TUBB6: variants seen among roughly 807,000 people sequenced by gnomAD.
The protein encoded by TUBB6 is tubulin beta 6 class V.
In TUBB6, 18 loss-of-function variants were observed where a neutral mutation model predicts 32.3. The observed-to-expected ratio is 0.56, with a 90% CI of 0.39 to 0.83. The LOEUF (loss-of-function observed/expected upper bound fraction) is 0.83. Ranked by LOEUF, TUBB6 falls within the 40% of genes least tolerant of loss-of-function variation. The pLI, the probability that TUBB6 is intolerant of heterozygous loss-of-function variation, is 0.00. For synonymous variants in TUBB6, 280 were observed against 265.8 expected, an observed-to-expected ratio of 1.05 and a Z score of -0.52; for missense variants, 480 against 632.0, an observed-to-expected ratio of 0.76 and a Z score of 2.58.
At chr18:12,328,969 CATTTT>C (rs1408004618), downstream of TUBB6, 3 of 573,316 alleles carry the variant, frequency 5.2e-6, no homozygotes, top group Middle Eastern at 4.6e-4. Context: ...ACAGTGTTGA[CATTTT>C]ATTTTTTATG....
chr18:12,319,743 CAA>C (rs930947923), intron 3 of TUBB6, among the ~76,000 whole-genome samples: 9 of 152,072 alleles, frequency 5.9e-5, no homozygotes, highest in Non-Finnish European at 7.4e-5. Flanking sequence ...CACTTGAGTT[CAA>C]AAGTTTAAGA....
intron 2 of TUBB6, among the ~76,000 whole-genome samples, chr18:12,310,465 T>G (rs1906310039): frequency 7.1e-6 from 1 of 140,384 alleles, no homozygotes; most frequent in Admixed American, 7.6e-5. Flanking sequence ...CATTCCAGCC[T>G]GGGCAACAGA....
At chr18:12,310,913 ACT>A (rs759239097) in intron 2 of TUBB6, 28 bp from the exon 3 acceptor site, 53 of 1,508,974 alleles carry the variant, frequency 3.5e-5, no homozygotes, top group Non-Finnish European at 4.6e-5. Context: ...CCTGAAAGTA[ACT>A]CTTGTGGGTG....
intron 3 of TUBB6, among the ~76,000 whole-genome samples, chr18:12,322,276 C>G (rs548845569): frequency 6.6e-6 from 1 of 151,170 alleles, no homozygotes; most frequent in East Asian, 1.9e-4. Context: ...TTAGCCTGGG[C>G]AACAGAGTGA....
downstream of TUBB6, chr18:12,329,066 A>C (rs964683115): frequency 1.0e-5 from 7 of 695,744 alleles, no homozygotes; most frequent in Non-Finnish European, 1.8e-5. Flanking sequence ...TTAAGACAGC[A>C]ACAAGTGATC....
intron 3 of TUBB6, among the ~76,000 whole-genome samples, chr18:12,318,468 C>G (rs1416611696): frequency 6.6e-6 from 1 of 150,988 alleles, no homozygotes; most frequent in Non-Finnish European, 1.5e-5. Flanking sequence ...CCTGAGAGTA[C>G]TAAAGTGGCC....
chr18:12,310,974 G>A lies in TUBB6; in HGVS notation c.198G>A (p.Val66=). The A allele has an allele frequency of 6.2e-7, 1 of 1,613,538 alleles. No homozygotes were observed. The highest frequency in any genetic ancestry group is 1.1e-5 in the South Asian group (1 of 91,002). ...SQKYVPRAAL[V]DLEPGTMDSV... ...AATATGTGCCCAGGGCCGCCCTGGT[G>A]GACTTAGAGCCAGGCACCATGGACA... Residue 66 remains valine, a synonymous_variant, in exon 3 of 4, where the codon GTG becomes GTA. Transcript: ENST00000317702.
chr18:12,308,663 T>C, intron 1 of TUBB6, 24 bp from the exon 2 acceptor site: 1 of 1,513,000 alleles, frequency 6.6e-7, no homozygotes, highest in Admixed American at 1.7e-5. Context: ...TGAGCGTCTG[T>C]CCCCCCGCCT....
chr18:12,319,761 A>G (rs992131077), intron 3 of TUBB6, among the ~76,000 whole-genome samples: 1 of 152,042 alleles, frequency 6.6e-6, no homozygotes, highest in Admixed American at 6.5e-5. Flanking sequence ...TAAGACCAAC[A>G]TGGACAACAT....
chr18:12,320,923 T>C (rs1906954819), intron 3 of TUBB6, among the ~76,000 whole-genome samples: 1 of 152,254 alleles, frequency 6.6e-6, no homozygotes, highest in South Asian at 2.1e-4. Context: ...CTGCCCTTGC[T>C]ATCTCCAGTA....
intron 3 of TUBB6, among the ~76,000 whole-genome samples, chr18:12,317,153 CAAAA>C (rs773323455): frequency 1.2e-4 from 8 of 66,356 alleles, no homozygotes; most frequent in Admixed American, 1.8e-4. Context: ...GAGACCCTGT[CAAAA>C]AAAAAAAAAA....
intron 3 of TUBB6, among the ~76,000 whole-genome samples, chr18:12,312,342 A>G (rs1307189862): frequency 6.6e-6 from 1 of 150,678 alleles, no homozygotes; most frequent in African/African-American, 2.5e-5. Flanking sequence ...ATTGTGACCA[A>G]GTAAGACTGA....
intron 3 of TUBB6, among the ~76,000 whole-genome samples, chr18:12,315,088 CTTTG>C (rs1322160571): frequency 6.6e-6 from 1 of 151,674 alleles, no homozygotes; most frequent in African/African-American, 2.4e-5. Flanking sequence ...TTTTTTTCAC[CTTTG>C]TTTCTTTTTG....
At chr18:12,317,681 A>C (rs1906749581) in intron 3 of TUBB6, among the ~76,000 whole-genome samples, 1 of 152,164 alleles carries the variant, frequency 6.6e-6, no homozygotes, top group South Asian at 2.1e-4. Context: ...TCCATCACCC[A>C]TTGTGAGCTT....
At chr18:12,311,331 C>T (rs979637819) in intron 3 of TUBB6, among the ~76,000 whole-genome samples, 6 of 152,150 alleles carry the variant, frequency 3.9e-5, no homozygotes, top group African/African-American at 1.4e-4. Context: ...GGCGCGGTGG[C>T]TCATGCCTGT....
chr18:12,324,092 G>A (rs942517549), intron 3 of TUBB6, among the ~76,000 whole-genome samples: 1 of 151,940 alleles, frequency 6.6e-6, no homozygotes, highest in East Asian at 2.0e-4. Flanking sequence ...TACTTGGGCC[G>A]GGCGCCGTGG....
downstream of TUBB6, chr18:12,326,748 G>A (rs971161081): frequency 1.3e-5 from 2 of 153,506 alleles, no homozygotes; most frequent in Non-Finnish European, 2.9e-5. Context: ...GTTGCTAGCT[G>A]GAAGGCAATG....
intron 3 of TUBB6, among the ~76,000 whole-genome samples, chr18:12,317,020 G>A (rs1337066765): frequency 2.0e-5 from 3 of 152,062 alleles, no homozygotes; most frequent in Admixed American, 6.6e-5. Flanking sequence ...TTAGCCAGGC[G>A]TGATGAGTGC....
At chr18:12,322,668 C>A (rs1409762981) in intron 3 of TUBB6, among the ~76,000 whole-genome samples, 1 of 152,120 alleles carries the variant, frequency 6.6e-6, no homozygotes, top group Non-Finnish European at 1.5e-5. Flanking sequence ...AATTCATTCC[C>A]ATTTACATAT....
Sources: allele counts gnomAD v4.1 joint callset (sites outside exome capture counted in the v4.1 genomes callset), GRCh38; gene constraint gnomAD v4.1.1; transcripts MANE v1.5; gene names NCBI Gene and HGNC (gene_info 2026-07-23, HGNC 2026-07-21).